C6: variants seen among roughly 807,000 people sequenced by gnomAD.
The protein encoded by C6 is complement C6.
C6 carries 101 observed loss-of-function variants against 112.9 expected under a neutral mutation model. The ratio of observed to expected loss-of-function variants is 0.89; its 90% CI spans 0.76 to 1.06. The LOEUF (loss-of-function observed/expected upper bound fraction) is 1.06, where lower values mean the gene tolerates loss of function less well. Among genes scored for constraint, C6 ranks in the 50% least tolerant of loss-of-function variants. C6 has a pLI of 0.00. For missense variants in C6, 1,202 were observed against 1,104.6 expected (o/e 1.09, Z -1.25); for synonymous variants, 431 against 384.1 (o/e 1.12, Z -1.43).
intron 9 of C6, 131 bp downstream of exon 9, chr5:41,172,094 C>T: frequency 1.1e-6 from 1 of 952,166 alleles, no homozygotes; most frequent in South Asian, 1.3e-5. Flanking sequence ...TATTCCAACA[C>T]ACAGGGTTCT....
upstream of C6, among the ~76,000 whole-genome samples, chr5:41,216,959 A>G (rs1409163773): frequency 6.6e-6 from 1 of 152,072 alleles, no homozygotes; most frequent in African/African-American, 2.4e-5. Context: ...ATTCCATATT[A>G]CCCTTTAGAC....
At chr5:41,239,182 G>A (rs1740539050) in intron 1 of C6, among the ~76,000 whole-genome samples, 1 of 131,922 alleles carries the variant, frequency 7.6e-6, no homozygotes, top group Admixed American at 8.9e-5. Context: ...GCATGTTCTT[G>A]GTTCACTGCA....
intron 9 of C6, among the ~76,000 whole-genome samples, chr5:41,162,799 T>C (rs1332523978): frequency 6.6e-6 from 1 of 152,134 alleles, no homozygotes; most frequent in African/African-American, 2.4e-5. Context: ...TATGGCTGCT[T>C]TTAGAGTCAA....
intron 1 of C6, among the ~76,000 whole-genome samples, chr5:41,234,041 A>G (rs1740076086): frequency 6.6e-6 from 1 of 152,144 alleles, no homozygotes; most frequent in Non-Finnish European, 1.5e-5. Flanking sequence ...TACATAGATG[A>G]GTGAACTTTG....
At chr5:41,206,787 G>T (rs149635964) in intron 1 of C6, among the ~76,000 whole-genome samples, 9,444 of 152,246 alleles carry the variant, frequency 0.062, 352 homozygotes, top group Middle Eastern at 0.088. Flanking sequence ...GTGGAACCGA[G>T]TTGGAAAACA....
At chr5:41,239,003 A>G (rs1475042963) in intron 1 of C6, among the ~76,000 whole-genome samples, 3 of 151,948 alleles carry the variant, frequency 2.0e-5, no homozygotes, top group Non-Finnish European at 4.4e-5. Flanking sequence ...GTACATACTT[A>G]TGGGGTAAAT....
chr5:41,242,073 C>G (rs2921182), intron 1 of C6, among the ~76,000 whole-genome samples: 106,483 of 152,032 alleles, frequency 0.7, 37,425 homozygotes, highest in African/African-American at 0.73. Flanking sequence ...CATTAATTGG[C>G]ATAGGAGCAG....
intron 1 of C6, among the ~76,000 whole-genome samples, chr5:41,225,677 C>A (rs190488694): frequency 1.1e-3 from 161 of 152,270 alleles, no homozygotes; most frequent in African/African-American, 3.8e-3. Flanking sequence ...AGTTTACAGT[C>A]CCACCAACAG....
chr5:41,164,271 A>G (rs1747792996), intron 9 of C6, among the ~76,000 whole-genome samples: 1 of 152,212 alleles, frequency 6.6e-6, no homozygotes, highest in African/African-American at 2.4e-5. Flanking sequence ...TTGGCAATTA[A>G]GGAGGATGGC....
Position 41,154,618 on chromosome 5 carries a change from A to G in C6, c.2101+354T>C, listed in dbSNP as rs892470518. On this transcript the variant is annotated intron_variant, in intron 14 of 17. Transcript: ENST00000337836. ...CATTTCTGTTACATAAAGAGTGTAA[A>G]TATCATCTTCTTGAGACTCAGCATT... is the stretch of plus-strand genomic sequence containing the variant. 2.6e-5 allele frequency among the ~76,000 whole-genome samples: 4 copies of G among 152,208 alleles called. No homozygotes were observed. In the South Asian group the frequency reaches 8.3e-4, roughly 31 times the overall value.
rs1205320151 is a variant in C6, at chr5:41,145,328, A to G, written c.2624-2322T>C. On this transcript the variant is annotated intron_variant, in intron 17 of 17. Transcript: ENST00000337836. ...CATATGTCTTTTCCCCAAGACAATG[A>G]TAAGTGCTTTTTTGGAGAGCAGTGT... Among the ~76,000 whole-genome samples, 5 of 152,194 alleles carry G rather than the reference A, an allele frequency of 3.3e-5. No homozygotes were observed. The South Asian group carries it at 1.0e-3, about 31-fold the overall frequency.
chr5:41,143,903 A>G (rs770839849), intron 17 of C6, among the ~76,000 whole-genome samples: 1 of 152,230 alleles, frequency 6.6e-6, no homozygotes, highest in Non-Finnish European at 1.5e-5. Flanking sequence ...TAGGTTTAAA[A>G]CAATCATTTA....
Position 41,159,237 on chromosome 5 carries a change from C to G in C6, c.1701G>C (p.Gln567His), listed in dbSNP as rs80108105. 2,942 of 1,613,270 alleles carry G rather than the reference C, an allele frequency of 1.8e-3. 87 individuals are homozygous for G. The East Asian group carries it at 0.057, about 31-fold the overall frequency. The change falls in exon 12 of 18, where the codon CAG becomes CAC. Residue 567 changes from glutamine (Q) to histidine (H), a missense_variant. Transcript: ENST00000337836. ...PDYKSNAVDG[Q>H]WGCWSSWSTC... ...TACTCCAGGAAGACCAACAACCCCA[C>G]TGTCCGTCTACTGCATCTGGAACAA...
intron 1 of C6, among the ~76,000 whole-genome samples, chr5:41,204,951 G>A (rs544684600): frequency 2.0e-5 from 3 of 152,146 alleles, no homozygotes; most frequent in Non-Finnish European, 4.4e-5. Flanking sequence ...TTATCAGTAA[G>A]CTTTTTAAAC....
rs532974431 is a variant in C6, at chr5:41,256,551, G to A, written c.-21+4643C>T. 3.6e-4 allele frequency among the ~76,000 whole-genome samples: 55 copies of A among 151,572 alleles called. No homozygotes were observed. The South Asian group carries it at 0.011, about 31-fold the overall frequency. On this transcript the variant is annotated intron_variant, in intron 1 of 17. Coordinates refer to the C6 transcript ENST00000263413. ...CACCTTTTCAGTTACTGAAATCAGA[G>A]GGCCCCACTGCTGAGAGAATTTTGT...
intron 5 of C6, 165 bp from the exon 6 acceptor site, chr5:41,186,373 C>T (rs551013262): frequency 2.9e-6 from 2 of 693,578 alleles, no homozygotes; most frequent in Non-Finnish European, 4.8e-6. Flanking sequence ...CATGGTGAGG[C>T]ATGCAAGGAA....
Position 41,173,602 on chromosome 5 carries a change from A to G in C6, c.1169-1255T>C, listed in dbSNP as rs555715084. ...TGTTAATATAAGCTCTTAAGCACCT[A>G]AAAGCAAAGTAGGTTATCAAATACT... On this transcript the variant is annotated intron_variant, in intron 8 of 17. Transcript: ENST00000337836. Among the ~76,000 whole-genome samples, 14 of 152,294 alleles carry G rather than the reference A, an allele frequency of 9.2e-5. No individual in the cohort carries two copies. In the South Asian group the frequency reaches 2.1e-3, roughly 23 times the overall value.
In C6 at chr5:41,150,104, C is replaced by T. The variant is rs1379519591; in HGVS notation, c.2291-79G>A. On this transcript the variant is annotated intron_variant, in intron 15 of 17. Transcript: ENST00000337836. ...GATAAGCTTGAATTCAGAGAAGAGG[C>T]AGTGGTAAAGGATTCATATTTATCT... 11 of 919,474 alleles carry T rather than the reference C, an allele frequency of 1.2e-5. No homozygotes were observed. In the East Asian group the frequency reaches 2.4e-4, roughly 20 times the overall value. The allele number at this position is 919,474 out of a possible 1,614,324, so 57.0% of individuals were successfully genotyped here. A position where few individuals can be genotyped will look rare whatever the true frequency, so the allele number is the denominator to read the frequency against.
chr5:41,246,025 C>G (rs994173945), intron 1 of C6, among the ~76,000 whole-genome samples: 1 of 152,146 alleles, frequency 6.6e-6, no homozygotes, highest in Non-Finnish European at 1.5e-5. Flanking sequence ...AGAGGTAGAT[C>G]ATCTTAATAC....
Sources: gnomAD v4.1 joint callset for allele counts (sites outside exome capture counted in the v4.1 genomes callset) on GRCh38, gnomAD v4.1.1 for gene constraint, MANE v1.5 for transcripts, NCBI Gene and HGNC (gene_info 2026-07-23, HGNC 2026-07-21) for gene names.